Variants in THOC2 observed in about 807,000 individuals in gnomAD.
The protein encoded by THOC2 is THO complex 2.
In THOC2, 10 loss-of-function variants were observed where a neutral mutation model predicts 128.4. That is an observed-to-expected ratio of 0.08 (90% confidence interval 0.05 to 0.13). The LOEUF (loss-of-function observed/expected upper bound fraction) is 0.13, where lower values mean the gene tolerates loss of function less well. Ranked by LOEUF, THOC2 falls within the 10% of genes least tolerant of loss-of-function variation. The pLI is 1.00. For missense variants in THOC2, 535 were observed against 1,155.7 expected, an observed-to-expected ratio of 0.46 and a Z score of 7.79; for synonymous variants, 393 against 396.9, an observed-to-expected ratio of 0.99 and a Z score of 0.12.
intron 8 of THOC2, among the ~76,000 whole-genome samples, chrX:123,681,996 T>C (rs2049804803): frequency 9.0e-6 from 1 of 111,384 alleles, no homozygotes; most frequent in African/African-American, 3.3e-5. Flanking sequence ...GAGGCAGAGG[T>C]TGCGATGAGC....
At chrX:123,607,974 C>A (rs2046541514) in intron 38 of THOC2, among the ~76,000 whole-genome samples, 1 of 110,737 alleles carries the variant, frequency 9.0e-6, no homozygotes, top group South Asian at 3.9e-4. Flanking sequence ...ATCAGCCAGG[C>A]ATGGCAGCTC....
rs1202733581 is a variant in THOC2, at chrX:123,627,914, C to A, written c.2536G>T (p.Val846Phe). 8.3e-7 allele frequency: 1 copy of A among 1,207,999 alleles called. No individual in the cohort carries two copies. The change falls in exon 23 of 39, where the codon GTT becomes TTT. Residue 846 changes from valine (V) to phenylalanine (F), a missense_variant. Val to Phe is a conservative substitution (Grantham distance 50). Coordinates refer to ENST00000245838, the MANE Select transcript of THOC2 (RefSeq NM_001081550.2). ...SEKGSKQQHK[V>F]HKYITSCEMV... ...TCACATGATGTAATGTACTTATGAACTTTATGTTGCTGTTTACTTCCCTTT... is the reference window on the plus strand; with the variant it reads ...TCACATGATGTAATGTACTTATGAAATTTATGTTGCTGTTTACTTCCCTTT...
chrX:123,604,684 A>G, intron 38 of THOC2, among the ~76,000 whole-genome samples: 1 of 112,060 alleles, frequency 8.9e-6, no homozygotes, highest in Non-Finnish European at 1.9e-5. Context: ...TTCACCAAAA[A>G]GGTCCTAAGA....
intron 9 of THOC2, 96 bp from the exon 10 acceptor site, chrX:123,668,410 TAAG>T (rs1477317294): frequency 9.5e-6 from 5 of 526,578 alleles, no homozygotes; most frequent in Non-Finnish European, 1.4e-5. Context: ...AAACTATAAA[TAAG>T]AAGTCTAACT....
chrX:123,712,923 A>G lies in THOC2; in HGVS notation c.72-15T>C, dbSNP rs766116923. 9.0e-7 allele frequency: 1 copy of G among 1,109,148 alleles called. No individual in the cohort carries two copies. Among genetic ancestry groups the G allele is most frequent in the Non-Finnish European group, 1.2e-6 (1 of 822,175 alleles). The allele number at this position is 1,109,148 out of a possible 1,213,427, so 91.4% of individuals were successfully genotyped here. On this transcript the variant is annotated splice_polypyrimidine_tract_variant and intron_variant, in intron 1 of 38. Transcript: ENST00000245838. ...ATAAATGCAAACTAGAATAAAATAG[A>G]AAACATGTATTTCAATTTCCACCCT...
chrX:123,651,250 A>C (rs760264991), intron 12 of THOC2, among the ~76,000 whole-genome samples: 1 of 112,274 alleles, frequency 8.9e-6, no homozygotes, highest in South Asian at 3.7e-4. Context: ...ATTTGAAACC[A>C]ATGAGAACAA....
At chrX:123,719,125 C>T (rs1427016182) in intron 1 of THOC2, among the ~76,000 whole-genome samples, 1 of 106,486 alleles carries the variant, frequency 9.4e-6, no homozygotes, top group Non-Finnish European at 1.9e-5. Flanking sequence ...TTGCAGTGAA[C>T]AGAGATGGTG....
At chrX:123,672,169 C>T (rs923456465) in intron 8 of THOC2, among the ~76,000 whole-genome samples, 4 of 110,706 alleles carry the variant, frequency 3.6e-5, no homozygotes, top group African/African-American at 1.3e-4. Flanking sequence ...GACAGGGTCT[C>T]ACTCTGTCAC....
intron 11 of THOC2, among the ~76,000 whole-genome samples, chrX:123,666,419 G>A (rs905578273): frequency 1.8e-5 from 2 of 111,259 alleles, no homozygotes; most frequent in Non-Finnish European, 3.8e-5. Context: ...CCACTGTGGA[G>A]TCACAGGGGT....
chrX:123,682,326 G>A (rs981734316), intron 8 of THOC2, among the ~76,000 whole-genome samples: 1 of 111,695 alleles, frequency 9.0e-6, no homozygotes, highest in African/African-American at 3.3e-5. Flanking sequence ...ACCCTCCACT[G>A]ACTTCACTCA....
intron 17 of THOC2, among the ~76,000 whole-genome samples, 165 bp downstream of exon 17, chrX:123,638,767 CAT>C (rs58655221): frequency 9.5e-6 from 1 of 104,765 alleles, no homozygotes; most frequent in Non-Finnish European, 2.0e-5. Context: ...CTCTCTCTCA[CAT>C]ACACACACAC....
At position 123,686,548 on chromosome X, in the gene THOC2, C is replaced by T; in HGVS notation, c.768G>A (p.Gln256=). ...HILGFKFKFY[Q]EPNGETPSSL... ...TACATACATACACGTTTTTCTTTAC[C>T]TGGTAAAACTTGAATTTGAACCCAA... Residue 256 remains glutamine (Q), a splice_region_variant and synonymous_variant, in exon 8 of 39, where the codon CAG becomes CAA. Transcript: ENST00000245838. 8.4e-7 allele frequency: 1 copy of T among 1,183,451 alleles called. No homozygotes were observed. Among genetic ancestry groups the T allele is most frequent in the Admixed American group, 2.3e-5 (1 of 43,550 alleles).
intron 38 of THOC2, among the ~76,000 whole-genome samples, chrX:123,609,406 A>C (rs2046613126): frequency 8.9e-6 from 1 of 112,272 alleles, no homozygotes; most frequent in Non-Finnish European, 1.9e-5. Context: ...CAGGAAAAGC[A>C]CACCATTCAT....
intron 7 of THOC2, among the ~76,000 whole-genome samples, chrX:123,690,746 G>A (rs999190944): frequency 1.8e-5 from 2 of 111,967 alleles, no homozygotes; most frequent in South Asian, 3.7e-4. Context: ...GACCTTAGGA[G>A]ACAAAGAAAA....
chrX:123,686,328 G>A (rs1262944320), intron 8 of THOC2, among the ~76,000 whole-genome samples: 1 of 111,547 alleles, frequency 9.0e-6, no homozygotes, highest in Non-Finnish European at 1.9e-5. Flanking sequence ...CCTCTCCCAA[G>A]GCAAAACTTA....
intron 17 of THOC2, 128 bp from the exon 18 acceptor site, chrX:123,638,251 G>C (rs2047751907): frequency 4.9e-6 from 2 of 410,216 alleles, no homozygotes; most frequent in Non-Finnish European, 8.4e-6. Flanking sequence ...TCCAAGACCA[G>C]GGATGTTGCT....
chrX:123,714,049 A>T (rs959176143), intron 1 of THOC2, among the ~76,000 whole-genome samples: 1 of 111,585 alleles, frequency 9.0e-6, no homozygotes, highest in African/African-American at 3.3e-5. Context: ...ACAGAGAGTG[A>T]CCCAATCTCT....
chrX:123,625,520 C>CT (rs754470330), intron 25 of THOC2, among the ~76,000 whole-genome samples: 1,809 of 96,777 alleles, frequency 0.019, 16 homozygotes, highest in Middle Eastern at 0.035. Context: ...ACTTTTTTGT[C>CT]TTTTTTTTTT....
chrX:123,697,194 T>C (rs2050480431), intron 5 of THOC2, among the ~76,000 whole-genome samples: 1 of 112,104 alleles, frequency 8.9e-6, no homozygotes, highest in Non-Finnish European at 1.9e-5. Flanking sequence ...AATTCTAGTA[T>C]AGCAAAGACA....
Sources: gnomAD v4.1 joint callset for allele counts (sites outside exome capture counted in the v4.1 genomes callset) on GRCh38, gnomAD v4.1.1 for gene constraint, MANE v1.5 for transcripts, NCBI Gene and HGNC (gene_info 2026-07-23, HGNC 2026-07-21) for gene names.